Variants in MARK2 observed in about 807,000 individuals in gnomAD.
MARK2 encodes the protein microtubule affinity regulating kinase 2.
In MARK2, 16 loss-of-function variants were observed where a neutral mutation model predicts 89.8. That is an observed-to-expected ratio of 0.18 (90% CI 0.12 to 0.27). The LOEUF (loss-of-function observed/expected upper bound fraction) is 0.27, where lower values mean the gene tolerates loss of function less well. MARK2 is among the 10% of genes least tolerant of loss of function. The probability of loss-of-function intolerance (pLI) is 1.00; values close to 1 mark genes in which losing one functional copy is unlikely to be tolerated. For synonymous variants in MARK2, 382 were observed against 399.5 expected (o/e 0.96, Z 0.52); for missense variants, 621 against 1,049.9 (o/e 0.59, Z 5.65).
chr11:63,859,867 T>C (rs1266003529), intron 1 of MARK2, among the ~76,000 whole-genome samples: 1 of 152,230 alleles, frequency 6.6e-6, no homozygotes, highest in Non-Finnish European at 1.5e-5. Context: ...CTTGACCTGG[T>C]GATCCACCTG....
At chr11:63,848,840 C>T (rs1328015487) in intron 1 of MARK2, among the ~76,000 whole-genome samples, 3 of 152,036 alleles carry the variant, frequency 2.0e-5, no homozygotes, top group African/African-American at 7.2e-5. Context: ...GGATTACAGG[C>T]GTGAGCCACC....
At chr11:63,873,952 A>T (rs1230038647) in intron 1 of MARK2, among the ~76,000 whole-genome samples, 1 of 152,192 alleles carries the variant, frequency 6.6e-6, no homozygotes, top group Non-Finnish European at 1.5e-5. Flanking sequence ...CAGCCTGAAG[A>T]TTGGTTATTT....
In MARK2 at chr11:63,888,811, C is replaced by T. The variant is rs1384698275; in HGVS notation, c.55-6348C>T. ...GAGGTGGTGGAAGGTGTCGCCTGCT[C>T]TGGCTGAGTAAGGGTGGCTGGCTGA... On this transcript the variant is annotated intron_variant, in intron 1 of 18. Transcript: ENST00000402010. 3 of 1,284,358 alleles carry T rather than the reference C, an allele frequency of 2.3e-6. No homozygotes were observed. The East Asian group carries it at 1.6e-4, about 71-fold the overall frequency. The allele number at this position is 1,284,358 out of a possible 1,614,324, so 79.6% of individuals were successfully genotyped here. A position where few individuals can be genotyped will look rare whatever the true frequency, so the allele number is the denominator to read the frequency against.
At chr11:63,849,357 G>A (rs188518612) in intron 1 of MARK2, among the ~76,000 whole-genome samples, 19 of 152,314 alleles carry the variant, frequency 1.2e-4, no homozygotes, top group Admixed American at 5.2e-4. Context: ...TCCATCTCAC[G>A]TAGTGTACTG....
chr11:63,853,716 C>G (rs2016687856), intron 1 of MARK2, among the ~76,000 whole-genome samples: 2 of 152,206 alleles, frequency 1.3e-5, no homozygotes, highest in Non-Finnish European at 2.9e-5. Flanking sequence ...GGAAGTGGCA[C>G]TAAGCTCTAC....
At chr11:63,856,584 C>T (rs1465640545) in intron 1 of MARK2, among the ~76,000 whole-genome samples, 4 of 150,838 alleles carry the variant, frequency 2.7e-5, no homozygotes, top group Non-Finnish European at 4.4e-5. Flanking sequence ...CTACCACACC[C>T]GGCTAATTTT....
chr11:63,863,457 AC>A (rs1238549835), intron 1 of MARK2, among the ~76,000 whole-genome samples: 1 of 36,216 alleles, frequency 2.8e-5, no homozygotes, highest in Non-Finnish European at 5.7e-5. Flanking sequence ...CCACCCCCCC[AC>A]CCCCCACCCC....
In MARK2 at chr11:63,908,240, C is replaced by T. The variant is rs1188460315; in HGVS notation, c.1962-20C>T. On this transcript the variant is annotated intron_variant, in intron 17 of 18. Coordinates refer to ENST00000402010, the MANE Select transcript of MARK2 (RefSeq NM_001039469.3). ...GCGAGAGATCCCAGCACTAAACTCT[C>T]CCTCGCTCTGTTTTTTGAGGAACCT... The T allele has an allele frequency of 3.9e-6, 6 of 1,554,428 alleles. No homozygotes were observed. Among genetic ancestry groups the T allele is most frequent in the Non-Finnish European group, 5.2e-6 (6 of 1,148,054 alleles).
chr11:63,906,000 C>G, intron 16 of MARK2, 88 bp from the exon 17 acceptor site: 1 of 1,143,620 alleles, frequency 8.7e-7, no homozygotes, highest in Non-Finnish European at 1.1e-6. Context: ...GTAAAGCCAC[C>G]TCCCCCACCT....
intron 1 of MARK2, among the ~76,000 whole-genome samples, chr11:63,894,311 G>A (rs954624779): frequency 9.2e-5 from 14 of 152,166 alleles, no homozygotes; most frequent in Admixed American, 2.6e-4. Flanking sequence ...GTAGTTCAGC[G>A]GCAGAAATTT....
chr11:63,869,933 G>A (rs899964238), intron 1 of MARK2, among the ~76,000 whole-genome samples: 2 of 152,228 alleles, frequency 1.3e-5, no homozygotes, highest in South Asian at 2.1e-4. Flanking sequence ...CTCAGGGCTC[G>A]TCTCCGGTGC....
chr11:63,841,980 C>G (rs558593991), intron 1 of MARK2, among the ~76,000 whole-genome samples: 15 of 152,276 alleles, frequency 9.9e-5, no homozygotes, highest in African/African-American at 3.1e-4. Flanking sequence ...GCTCTTTGCT[C>G]TTTGATAACT....
At position 63,840,215 on chromosome 11, in the gene MARK2, C is replaced by T. The variant is rs566441480; in HGVS notation, c.54+655C>T. On this transcript the variant is annotated intron_variant, in intron 1 of 18. Transcript: ENST00000402010. Reference sequence around the variant, plus strand: ...TGCTCATCACTTTCCCTTCTTTGCTCCAGGAGCTCCCTGGATCCTGGCGCT... The same window carrying T: ...TGCTCATCACTTTCCCTTCTTTGCTTCAGGAGCTCCCTGGATCCTGGCGCT... 5.7e-4 allele frequency among the ~76,000 whole-genome samples: 87 copies of T among 152,300 alleles called. No individual in the cohort carries two copies. The Middle Eastern group carries it at 0.02, about 36-fold the overall frequency.
intron 1 of MARK2, among the ~76,000 whole-genome samples, chr11:63,871,978 G>T (rs1178320283): frequency 6.6e-6 from 1 of 152,214 alleles, no homozygotes; most frequent in Admixed American, 6.5e-5. Flanking sequence ...GCACTGTGAG[G>T]CTTCTTCAGG....
intron 1 of MARK2, among the ~76,000 whole-genome samples, chr11:63,874,709 A>C (rs1023534356): frequency 1.7e-4 from 26 of 152,112 alleles, no homozygotes; most frequent in African/African-American, 6.3e-4. Flanking sequence ...CCTTGTCTAT[A>C]AACAAGTGCA....
rs1390590787 is a variant in MARK2 at position 63,906,078 on chromosome 11, G to GT, written c.1935-3dup. The GT allele has an allele frequency of 3.7e-6, 5 of 1,335,506 alleles. No homozygotes were observed. The highest frequency in any genetic ancestry group is 2.3e-5 in the South Asian group (1 of 42,820). 82.7% of individuals were successfully genotyped at this position (1,335,506 alleles called of 1,614,324 possible). ...TTTTTATTTTGTCTTTTTTTTGTTT[G>GT]TTTTTTTAGAAATCTGTCTTTCAGG... is the stretch of plus-strand genomic sequence containing the variant. On this transcript the variant is annotated splice_polypyrimidine_tract_variant and intron_variant, in intron 16 of 18. Coordinates refer to ENST00000402010, the MANE Select transcript of MARK2 (RefSeq NM_001039469.3).
chr11:63,895,376 G>T, intron 2 of MARK2, 38 bp downstream of exon 2: 1 of 1,597,426 alleles, frequency 6.3e-7, no homozygotes. Context: ...GCACCTCCCA[G>T]CCCTGTTGAC....
In MARK2 at chr11:63,895,210, C is replaced by T. The variant is rs755618580; in HGVS notation, c.106C>T (p.Arg36Trp). 1.2e-5 allele frequency: 20 copies of T among 1,614,024 alleles called. No individual in the cohort carries two copies. Among genetic ancestry groups the T allele is most frequent in the East Asian group, 2.2e-5 (1 of 44,906 alleles). Residue 36 changes from arginine to tryptophan, a missense_variant, in exon 2 of 19, where the codon CGG becomes TGG. By Grantham distance (101) the Arg-to-Trp change is moderately radical. Coordinates refer to ENST00000402010, the MANE Select transcript of MARK2 (RefSeq NM_001039469.3). ...SKPSSKSNMI[R>W]GRNSATSADE... The stretch of plus-strand genomic sequence containing the variant: ...GCCCAGCAGTAAGTCCAACATGATT[C>T]GGGGCCGCAACTCAGCCACCTCTGC...
intron 1 of MARK2, among the ~76,000 whole-genome samples, chr11:63,882,072 G>A (rs570779433): frequency 1.3e-5 from 2 of 152,158 alleles, no homozygotes; most frequent in Non-Finnish European, 2.9e-5. Flanking sequence ...GATAAACAAC[G>A]GATAAGAGGA....
Sources: gnomAD v4.1 joint callset for allele counts (sites outside exome capture counted in the v4.1 genomes callset) on GRCh38, gnomAD v4.1.1 for gene constraint, MANE v1.5 for transcripts, NCBI Gene and HGNC (gene_info 2026-07-23, HGNC 2026-07-21) for gene names.